CAB39L: variants seen among roughly 807,000 people sequenced by gnomAD.
The protein encoded by CAB39L is calcium binding protein 39 like, also known as calcium-binding protein 39-like.
In CAB39L, 23 loss-of-function variants were observed where a neutral mutation model predicts 39.1. The ratio of observed to expected loss-of-function variants is 0.59; its 90% CI spans 0.42 to 0.83. The LOEUF is 0.83. Ranked by LOEUF, CAB39L falls within the 40% of genes least tolerant of loss-of-function variation. The pLI is 0.00. For synonymous variants in CAB39L, 126 were observed against 137.2 expected, an observed-to-expected ratio of 0.92 and a Z score of 0.57; for missense variants, 366 against 391.9, an observed-to-expected ratio of 0.93 and a Z score of 0.56.
intron 5 of CAB39L, among the ~76,000 whole-genome samples, chr13:49,376,758 C>T (rs1393977867): frequency 6.6e-6 from 1 of 152,162 alleles, no homozygotes; most frequent in African/African-American, 2.4e-5. Flanking sequence ...GTTATCTTTG[C>T]TACCTAGCTG....
intron 3 of CAB39L, among the ~76,000 whole-genome samples, chr13:49,419,140 G>C (rs1428974754): frequency 2.6e-5 from 4 of 151,204 alleles, no homozygotes; most frequent in Non-Finnish European, 5.9e-5. Flanking sequence ...GCTAATTTTT[G>C]TATTTTTAGT....
At chr13:49,312,451 C>T (rs563844789) in intron 10 of CAB39L, among the ~76,000 whole-genome samples, 2 of 152,150 alleles carry the variant, frequency 1.3e-5, no homozygotes, top group South Asian at 2.1e-4. Context: ...GTTTAGATAC[C>T]CAAATACCAT....
chr13:49,416,468 C>T (rs1329188133), intron 3 of CAB39L, among the ~76,000 whole-genome samples: 2 of 152,196 alleles, frequency 1.3e-5, no homozygotes, highest in South Asian at 2.1e-4. Flanking sequence ...CTGTGGATTA[C>T]AGCTCAGCAA....
intron 3 of CAB39L, among the ~76,000 whole-genome samples, chr13:49,392,530 A>G: frequency 6.6e-6 from 1 of 152,106 alleles, no homozygotes; most frequent in East Asian, 1.9e-4. Context: ...AATCCCAGCT[A>G]CTCAGGAGGC....
In CAB39L at chr13:49,336,127, CA is replaced by C. The variant is rs199728869; in HGVS notation, c.690+3549del. On this transcript the variant is annotated intron_variant, in intron 9 of 10. Coordinates refer to ENST00000409308, the MANE Select transcript of CAB39L (RefSeq NM_001079670.3). ...TGGAGCTTCCAGAATGTTTTTCTAGCAAAAAAAAAAAAAAAGAGTAAACAAT... is the reference window on the plus strand; with the variant it reads ...TGGAGCTTCCAGAATGTTTTTCTAGCAAAAAAAAAAAAAAGAGTAAACAAT... Among the ~76,000 whole-genome samples, 738 of 115,448 alleles carry C rather than the reference CA, an allele frequency of 6.4e-3. 4 individuals are homozygous for C. The highest frequency in any genetic ancestry group is 0.052 in the East Asian group (192 of 3,696). 75.7% of individuals were successfully genotyped at this position (115,448 alleles called of 152,430 possible).
At chr13:49,375,531 C>G (rs2138560124) in intron 5 of CAB39L, among the ~76,000 whole-genome samples, 1 of 151,998 alleles carries the variant, frequency 6.6e-6, no homozygotes, top group East Asian at 1.9e-4. Context: ...AGATTCTGAG[C>G]AAACTGTCGC....
At chr13:49,402,326 C>T (rs576446883) in intron 3 of CAB39L, among the ~76,000 whole-genome samples, 3 of 152,238 alleles carry the variant, frequency 2.0e-5, no homozygotes, top group East Asian at 3.9e-4. Flanking sequence ...AGGTAGAAAG[C>T]TGAGTGGGCT....
rs559039581 is a variant in CAB39L at position 49,324,620 on chromosome 13, G to T, written c.834+7327C>A. The stretch of plus-strand genomic sequence containing the variant: ...AACATGGGATTTGGAAGCAGAAGAT[G>T]GCCTTGTCTGTGAGAGCTCAGGCTT... On this transcript the variant is annotated intron_variant, in intron 10 of 10. Coordinates refer to ENST00000409308, the MANE Select transcript of CAB39L (RefSeq NM_001079670.3). Among the ~76,000 whole-genome samples, 19 of 152,306 alleles carry T rather than the reference G, an allele frequency of 1.2e-4. No homozygotes were observed. The South Asian group carries it at 3.9e-3, about 32-fold the overall frequency.
intron 3 of CAB39L, among the ~76,000 whole-genome samples, chr13:49,391,947 TCACA>T (rs60571092): frequency 8.7e-5 from 13 of 149,214 alleles, no homozygotes; most frequent in South Asian, 2.1e-4. Flanking sequence ...CAAATTGGGT[TCACA>T]CACACACACA....
At chr13:49,371,678 C>T (rs1413799945) in intron 5 of CAB39L, among the ~76,000 whole-genome samples, 2 of 152,010 alleles carry the variant, frequency 1.3e-5, no homozygotes, top group Admixed American at 1.3e-4. Flanking sequence ...CTCACTGTAG[C>T]CTCAACCACC....
In CAB39L at chr13:49,344,354, C is replaced by G. The variant is rs1401808827; in HGVS notation, c.565-116G>C. On this transcript the variant is annotated intron_variant, in intron 7 of 10. Transcript: ENST00000409308. The stretch of plus-strand genomic sequence containing the variant: ...TGCAGAAGAACATTTTCATTTGCGC[C>G]ACAAAATTATTTCCATTCCTAGCTT... 4.8e-6 allele frequency: 3 copies of G among 622,616 alleles called. No individual in the cohort carries two copies. In the Admixed American group the frequency reaches 9.8e-5, roughly 20 times the overall value. The allele number at this position is 622,616 out of a possible 1,614,324, so 38.6% of individuals were successfully genotyped here. A position where few individuals can be genotyped will look rare whatever the true frequency, so the allele number is the denominator to read the frequency against.
intron 3 of CAB39L, among the ~76,000 whole-genome samples, chr13:49,424,099 G>A (rs1957211521): frequency 6.6e-6 from 1 of 152,172 alleles, no homozygotes; most frequent in Non-Finnish European, 1.5e-5. Context: ...TAATTAGCAG[G>A]TGGAACATAA....
chr13:49,437,662 C>T (rs1957438945), intron 1 of CAB39L, among the ~76,000 whole-genome samples: 1 of 152,154 alleles, frequency 6.6e-6, no homozygotes, highest in African/African-American at 2.4e-5. Context: ...GTTGATTTCC[C>T]TGCATGCCCA....
At chr13:49,375,399 A>G (rs1208818089) in intron 5 of CAB39L, among the ~76,000 whole-genome samples, 1 of 152,216 alleles carries the variant, frequency 6.6e-6, no homozygotes, top group Admixed American at 6.5e-5. Flanking sequence ...TAAAAGAAAC[A>G]GAAAAGTATA....
intron 3 of CAB39L, among the ~76,000 whole-genome samples, chr13:49,398,693 T>G (rs1178952217): frequency 6.6e-6 from 1 of 152,134 alleles, no homozygotes; most frequent in Non-Finnish European, 1.5e-5. Context: ...CATATTGCAT[T>G]ACTGACTTTT....
At chr13:49,412,690 T>C (rs867025621) in intron 3 of CAB39L, among the ~76,000 whole-genome samples, 1 of 152,240 alleles carries the variant, frequency 6.6e-6, no homozygotes, top group Middle Eastern at 3.4e-3. Context: ...TGGAAAGCCA[T>C]TCTTCCACGG....
In CAB39L at chr13:49,400,349, C is replaced by T. The variant is rs1006186519; in HGVS notation, c.-31-17408G>A. ...ATATATATAATTGGCATACACTCTC[C>T]TATTTTAAGATTATACAAAAAAAGT... On this transcript the variant is annotated intron_variant, in intron 3 of 10. Transcript: ENST00000409308. Among the ~76,000 whole-genome samples the T allele has an allele frequency of 1.1e-4, 16 of 151,668 alleles. No homozygotes were observed. The South Asian group carries it at 2.5e-3, about 24-fold the overall frequency.
chr13:49,396,089 C>A (rs1298332216), intron 3 of CAB39L, among the ~76,000 whole-genome samples: 1 of 54,044 alleles, frequency 1.9e-5, no homozygotes, highest in Non-Finnish European at 4.0e-5. Flanking sequence ...CACAGTGAGA[C>A]TCTGTCTCAA....
In CAB39L at chr13:49,308,863, G is replaced by A. The variant is rs1467376700; in HGVS notation, c.*1951C>T. The A allele has an allele frequency of 9.8e-5, 15 of 152,352 alleles. No individual in the cohort carries two copies. Among genetic ancestry groups the A allele is most frequent in the Admixed American group, 9.8e-4 (15 of 15,276 alleles). The allele number at this position is 152,352 out of a possible 1,614,324, so 9.4% of individuals were successfully genotyped here. On this transcript the variant is annotated 3_prime_UTR_variant, in exon 11 of 11. Transcript: ENST00000409308. ...ACAAAACCCCAGACTCTAGTTTTCT[G>A]TTTGAAAGGTACTGAGCTGGGATAA...
Sources: allele counts gnomAD v4.1 joint callset (sites outside exome capture counted in the v4.1 genomes callset), GRCh38; gene constraint gnomAD v4.1.1; transcripts MANE v1.5; gene names NCBI Gene and HGNC (gene_info 2026-07-23, HGNC 2026-07-21).